The following PRH1 variants were observed in gnomAD, a reference collection of about 807,000 sequenced individuals.
The protein encoded by PRH1 is salivary acidic proline-rich phosphoprotein 1/2.
Under a neutral mutation model 7.9 loss-of-function variants are expected in PRH1, and 7 were observed. The observed-to-expected ratio is 0.89, with a 90% CI of 0.50 to 1.67. The LOEUF (loss-of-function observed/expected upper bound fraction) is 1.67. Among genes scored for constraint, PRH1 ranks in the 40% most tolerant of loss-of-function variants. The pLI, the probability that PRH1 is intolerant of heterozygous loss-of-function variation, is 0.00. For missense variants in PRH1, 109 were observed against 223.6 expected (o/e 0.49, Z 3.27); for synonymous variants, 45 against 80.8 (o/e 0.56, Z 2.38).
chr12:10,922,783 T>A lies in PRH1; in HGVS notation c.-58-38508A>T, dbSNP rs911976126. On this transcript the variant is annotated intron_variant, in intron 2 of 3. Coordinates refer to the PRH1 transcript ENST00000539853. ...TATTTACGTAATGCATTGTTAGGTA[T>A]GTCCAAATTCATGATTATTGCATCT... is the stretch of plus-strand genomic sequence containing the variant. 2.6e-5 allele frequency among the ~76,000 whole-genome samples: 4 copies of A among 151,746 alleles called. No individual in the cohort carries two copies. The East Asian group carries it at 7.7e-4, about 29-fold the overall frequency.
At chr12:10,907,015 A>G (rs142401028) in intron 2 of PRH1, among the ~76,000 whole-genome samples, 2 of 152,346 alleles carry the variant, frequency 1.3e-5, no homozygotes, top group African/African-American at 4.8e-5. Flanking sequence ...CCATTAGGAA[A>G]ATGTGAATTA....
In PRH1 at chr12:11,148,653, G is replaced by C. The variant is rs1340758668; in HGVS notation, n.39+22769C>G. ...GGATGAAGCCCACTTGATCATGGTG[G>C]ATAAGCTTTTTGATGTGCTGCTGGA... On this transcript the variant is annotated intron_variant and non_coding_transcript_variant, in intron 1 of 1. Coordinates refer to the PRH1 transcript ENST00000541175. Among the ~76,000 whole-genome samples, 4 of 119,760 alleles carry C rather than the reference G, an allele frequency of 3.3e-5. No homozygotes were observed. In the East Asian group the frequency reaches 8.3e-4, roughly 25 times the overall value. 78.6% of individuals were successfully genotyped at this position (119,760 alleles called of 152,430 possible).
intron 1 of PRH1, among the ~76,000 whole-genome samples, chr12:11,135,833 G>T (rs1314899767): frequency 6.6e-6 from 1 of 152,148 alleles, no homozygotes; most frequent in African/African-American, 2.4e-5. Flanking sequence ...TCTTAGAGTT[G>T]TATAAGAATG....
intron 1 of PRH1, among the ~76,000 whole-genome samples, chr12:11,135,682 T>C (rs1314594474): frequency 2.0e-5 from 3 of 151,920 alleles, no homozygotes; most frequent in Non-Finnish European, 2.9e-5. Context: ...AAAGAAAAAA[T>C]AGATGGGGAA....
At chr12:10,926,655 T>C (rs3911918) in intron 2 of PRH1, among the ~76,000 whole-genome samples, 203 of 152,248 alleles carry the variant, frequency 1.3e-3, no homozygotes, top group African/African-American at 4.3e-3. Context: ...GGAGAGAGCA[T>C]TGTGGGCCGA....
intron 2 of PRH1, chr12:10,908,526 T>C: frequency 1.9e-6 from 3 of 1,613,920 alleles, no homozygotes; most frequent in Non-Finnish European, 2.5e-6. Flanking sequence ...CACTGTGTTC[T>C]GATACAGCTC....
chr12:10,912,106 T>A (rs1171228655), intron 2 of PRH1, among the ~76,000 whole-genome samples: 1 of 152,186 alleles, frequency 6.6e-6, no homozygotes, highest in Non-Finnish European at 1.5e-5. Context: ...ATGTTGCATA[T>A]AGAGATAGAT....
rs749894336 is a variant in PRH1 at position 11,133,610 on chromosome 12, T to C, written n.40-12430A>G. 21 of 1,614,254 alleles carry C rather than the reference T, an allele frequency of 1.3e-5. No homozygotes were observed. Among genetic ancestry groups the C allele is most frequent in the African/African-American group, 5.3e-5 (4 of 75,066 alleles). ...GCTGGGATCTTGAGATCCTTTGCCA[T>C]GGAGCTGCATCTTCTTGAGATGTTT... On this transcript the variant is annotated intron_variant and non_coding_transcript_variant, in intron 1 of 1. Coordinates refer to the PRH1 transcript ENST00000541175.
At chr12:11,022,666 G>A (rs1591829296) in intron 1 of PRH1, 4 of 928,818 alleles carry the variant, frequency 4.3e-6, no homozygotes, top group Non-Finnish European at 6.4e-6. Context: ...ATTACTAAAT[G>A]TGCAATAACA....
At chr12:11,168,301 AAGG>A (rs1565725991) in intron 1 of PRH1, among the ~76,000 whole-genome samples, 2 of 48,780 alleles carry the variant, frequency 4.1e-5, no homozygotes, top group African/African-American at 5.6e-5. Flanking sequence ...AGAAAGAAAG[AAGG>A]AAGGAAGGAA....
chr12:10,970,713 C>A (rs78216145), intron 2 of PRH1, among the ~76,000 whole-genome samples: 1 of 151,758 alleles, frequency 6.6e-6, no homozygotes. Flanking sequence ...TACAGGAGCC[C>A]GCCACCACAA....
chr12:11,128,693 C>T (rs1360655365), intron 1 of PRH1, among the ~76,000 whole-genome samples: 2 of 152,104 alleles, frequency 1.3e-5, no homozygotes, highest in South Asian at 2.1e-4. Context: ...TATAGTTAGT[C>T]GAGATCACGC....
Position 10,938,925 on chromosome 12 carries a change from A to C in PRH1, c.-59+34730T>G, listed in dbSNP as rs139989410. The C allele has an allele frequency of 4.3e-6, 7 of 1,613,874 alleles. No individual in the cohort carries two copies. In the African/African-American group the frequency reaches 9.3e-5, roughly 22 times the overall value. ...AGGCCTGTAGCTAACCAGACACTAA[A>C]ATGATTGATCACTGTCCAGATATTA... On this transcript the variant is annotated intron_variant, in intron 2 of 3. Transcript: ENST00000539853.
chr12:11,061,321 CGTTT>C, intron 1 of PRH1: 1 of 1,566,928 alleles, frequency 6.4e-7, no homozygotes, highest in Non-Finnish European at 8.6e-7. Context: ...TCATATAACA[CGTTT>C]GTTTTCTGCT....
chr12:10,890,170 T>G (rs553455946), intron 2 of PRH1, among the ~76,000 whole-genome samples: 13 of 152,328 alleles, frequency 8.5e-5, no homozygotes, highest in Non-Finnish European at 1.8e-4. Flanking sequence ...GTGAAGGCAC[T>G]CATGGTAAAT....
chr12:11,015,385 C>G (rs977993620), intron 1 of PRH1, among the ~76,000 whole-genome samples: 1 of 146,338 alleles, frequency 6.8e-6, no homozygotes, highest in African/African-American at 2.5e-5. Flanking sequence ...AGTGTACTTT[C>G]CTTTCTTTCC....
chr12:10,882,262 T>G lies in PRH1; in HGVS notation c.537A>C (p.Gly179=). Residue 179 remains glycine, a synonymous_variant, in exon 3 of 4, where the codon GGA becomes GGC. Transcript: ENST00000543626. The stretch of plus-strand genomic sequence containing the variant: ...ACTGAGGAGACTGCCCCTGTGGAGG[T>G]CCTTGTGGGCGGCCCCCTTGGGGAG... ...GPPPQGGRPQ[G]PPQGQSPQ The G allele has an allele frequency of 6.2e-7, 1 of 1,613,266 alleles. No individual in the cohort carries two copies. Among genetic ancestry groups the G allele is most frequent in the African/African-American group, 1.3e-5 (1 of 74,952 alleles).
At chr12:10,885,087 A>G (rs1949470528), upstream of PRH1, among the ~76,000 whole-genome samples, 1 of 152,232 alleles carries the variant, frequency 6.6e-6, no homozygotes, top group African/African-American at 2.4e-5. Flanking sequence ...AGAATATTCC[A>G]TAGAATTCAT....
downstream of PRH1, among the ~76,000 whole-genome samples, chr12:11,119,381 T>C (rs1435643974): frequency 6.6e-6 from 1 of 151,800 alleles, no homozygotes; most frequent in African/African-American, 2.4e-5. Context: ...GTGACTATAG[T>C]CAATGATAAT....
Sources: gnomAD v4.1 joint callset for allele counts (sites outside exome capture counted in the v4.1 genomes callset) on GRCh38, gnomAD v4.1.1 for gene constraint, MANE v1.5 for transcripts, NCBI Gene and HGNC (gene_info 2026-07-23, HGNC 2026-07-21) for gene names.